The following RUNX1T1 variants were observed in gnomAD, a reference collection of about 807,000 sequenced individuals.
RUNX1T1 encodes protein CBFA2T1.
RUNX1T1 carries 4 observed loss-of-function variants against 62.8 expected under a neutral mutation model. That is an observed-to-expected ratio of 0.06 (90% CI 0.03 to 0.15). The LOEUF (loss-of-function observed/expected upper bound fraction) is 0.15. Ranked by LOEUF, RUNX1T1 falls within the 10% of genes least tolerant of loss-of-function variation. The pLI, the probability that RUNX1T1 is intolerant of heterozygous loss-of-function variation, is 1.00. For synonymous variants in RUNX1T1, 291 were observed against 286.0 expected (o/e 1.02, Z -0.18); for missense variants, 508 against 754.3 (o/e 0.67, Z 3.82).
chr8:92,080,418 T>C (rs1440601069), intron 1 of RUNX1T1, among the ~76,000 whole-genome samples: 2 of 152,216 alleles, frequency 1.3e-5, no homozygotes, highest in African/African-American at 4.8e-5. Context: ...TAGGGCAGCA[T>C]GGAAATCACC....
intron 2 of RUNX1T1, 62 bp downstream of exon 3, chr8:92,017,164 G>T: frequency 8.4e-7 from 1 of 1,189,452 alleles, no homozygotes; most frequent in Non-Finnish European, 1.2e-6. Flanking sequence ...TTTTTCATTT[G>T]CAGAAAAAAA....
At chr8:91,961,982 G>A (rs1327716308) in intron 10 of RUNX1T1, among the ~76,000 whole-genome samples, 1 of 152,174 alleles carries the variant, frequency 6.6e-6, no homozygotes, top group African/African-American at 2.4e-5. Flanking sequence ...TGCTGGTTGT[G>A]TGGCTTAAGG....
chr8:92,036,002 T>G (rs1403480009), intron 1 of RUNX1T1, among the ~76,000 whole-genome samples: 1 of 152,210 alleles, frequency 6.6e-6, no homozygotes, highest in Non-Finnish European at 1.5e-5. Flanking sequence ...TTAATGTTAG[T>G]AAGTTCTTAA....
At chr8:91,988,060 TG>T in intron 6 of RUNX1T1, among the ~76,000 whole-genome samples, 1 of 152,138 alleles carries the variant, frequency 6.6e-6, no homozygotes, top group Non-Finnish European at 1.5e-5. Flanking sequence ...GTGGAACTTA[TG>T]TAAGAATTAA....
At chr8:92,024,022 T>C (rs1824634670) in intron 1 of RUNX1T1, among the ~76,000 whole-genome samples, 3 of 152,068 alleles carry the variant, frequency 2.0e-5, no homozygotes, top group Admixed American at 6.5e-5. Context: ...AGAGAAGTAA[T>C]GAGAGATTAT....
At chr8:92,014,841 G>T in intron 2 of RUNX1T1, 21 bp from the exon 4 acceptor site, 5 of 1,579,582 alleles carry the variant, frequency 3.2e-6, no homozygotes, top group Non-Finnish European at 4.3e-6. Context: ...CACAAAATCA[G>T]AAGGAAGTCA....
chr8:91,994,034 G>A (rs967350682), intron 5 of RUNX1T1, among the ~76,000 whole-genome samples: 1 of 151,878 alleles, frequency 6.6e-6, no homozygotes, highest in Non-Finnish European at 1.5e-5. Flanking sequence ...GGGTAAATCT[G>A]CAGAGCTTAA....
intron 3 of RUNX1T1, among the ~76,000 whole-genome samples, chr8:92,013,966 G>A (rs1031793785): frequency 4.8e-4 from 73 of 152,112 alleles, no homozygotes; most frequent in African/African-American, 1.7e-3. Context: ...TGGCTATACA[G>A]CAATGTGAAT....
chr8:91,995,119 A>C (rs927109214), intron 5 of RUNX1T1, among the ~76,000 whole-genome samples: 1 of 152,330 alleles, frequency 6.6e-6, no homozygotes, highest in Non-Finnish European at 1.5e-5. Flanking sequence ...AAATAATGAA[A>C]CATCTTTGAC....
intron 1 of RUNX1T1, among the ~76,000 whole-genome samples, chr8:92,057,691 T>C (rs943647764): frequency 1.3e-5 from 2 of 152,196 alleles, no homozygotes; most frequent in Admixed American, 6.5e-5. Context: ...TTTACATTAA[T>C]ATTAATTAAT....
At chr8:92,031,998 C>T (rs899466998) in intron 1 of RUNX1T1, among the ~76,000 whole-genome samples, 1 of 147,880 alleles carries the variant, frequency 6.8e-6, no homozygotes, top group Non-Finnish European at 1.5e-5. Context: ...GAGGCTGAGG[C>T]ACGAGAATTT....
At chr8:92,034,894 G>A (rs145802738) in intron 1 of RUNX1T1, among the ~76,000 whole-genome samples, 1,930 of 150,798 alleles carry the variant, frequency 0.013, 53 homozygotes, top group Admixed American at 0.054. Flanking sequence ...GCAGCAACCC[G>A]GATGGAACTG....
chr8:92,078,705 G>C (rs1834794552), intron 1 of RUNX1T1, among the ~76,000 whole-genome samples: 1 of 152,158 alleles, frequency 6.6e-6, no homozygotes, highest in Admixed American at 6.5e-5. Context: ...GCAACTAATA[G>C]AAAATACAGA....
chr8:92,005,983 A>AAT lies in RUNX1T1; in HGVS notation c.478-688_478-687dup, dbSNP rs976971280. On this transcript the variant is annotated intron_variant, in intron 4 of 10. Coordinates refer to ENST00000396218, the Ensembl canonical transcript of RUNX1T1. Reference sequence around the variant, plus strand: ...TGTATCAGTCTTATTCTAAGGAATGAATACACACACACACACACACACACA... The same window carrying AAT: ...TGTATCAGTCTTATTCTAAGGAATGAATATACACACACACACACACACACACA... 7 of 100,772 alleles carry AAT rather than the reference A, an allele frequency of 6.9e-5. 1 individual carries two copies. The highest frequency in any genetic ancestry group is 2.9e-4 in the African/African-American group (6 of 20,584). 6.2% of individuals were successfully genotyped at this position (100,772 alleles called of 1,614,324 possible). A position where few individuals can be genotyped will look rare whatever the true frequency, so the allele number is the denominator to read the frequency against.
At chr8:91,979,677 G>A (rs1028795049) in intron 8 of RUNX1T1, 2 of 326,058 alleles carry the variant, frequency 6.1e-6, no homozygotes, top group African/African-American at 4.3e-5. Context: ...ATGAAGAGAG[G>A]AGACCAGGTC....
chr8:91,985,445 C>T lies in RUNX1T1; in HGVS notation c.1198+679G>A, dbSNP rs576163455. Among the ~76,000 whole-genome samples, 4 of 152,124 alleles carry T rather than the reference C, an allele frequency of 2.6e-5. No homozygotes were observed. The South Asian group carries it at 8.3e-4, about 32-fold the overall frequency. ...CTAACATTCCATTTCTAAGGCACAA[C>T]TATATTATGAGTCCTATTATAAAAC... On this transcript the variant is annotated intron_variant, in intron 8 of 10. Transcript: ENST00000396218.
chr8:92,012,034 C>T (rs183087925), intron 3 of RUNX1T1, among the ~76,000 whole-genome samples: 114 of 152,284 alleles, frequency 7.5e-4, no homozygotes, highest in African/African-American at 2.5e-3. Context: ...TGTGACCTAA[C>T]GTCATTACAA....
chr8:92,062,048 C>T (rs942578051), intron 1 of RUNX1T1, among the ~76,000 whole-genome samples: 3 of 152,188 alleles, frequency 2.0e-5, no homozygotes, highest in African/African-American at 7.2e-5. Flanking sequence ...CATCTAAGGG[C>T]TGTGATTTAG....
intron 1 of RUNX1T1, among the ~76,000 whole-genome samples, chr8:92,054,634 T>C (rs1563857678): frequency 6.6e-6 from 1 of 152,192 alleles, no homozygotes; most frequent in Non-Finnish European, 1.5e-5. Flanking sequence ...GTGTTTTTGA[T>C]AGATGGCCTC....
Sources: gnomAD v4.1 joint callset for allele counts (sites outside exome capture counted in the v4.1 genomes callset) on GRCh38, gnomAD v4.1.1 for gene constraint, MANE v1.5 for transcripts, NCBI Gene and HGNC (gene_info 2026-07-23, HGNC 2026-07-21) for gene names.